The following SPA17 variants were observed in gnomAD, a reference collection of about 807,000 sequenced individuals.
SPA17 encodes sperm autoantigenic protein 17, also known as sperm surface protein Sp17.
In SPA17, 7 loss-of-function variants were observed where a neutral mutation model predicts 13.8. The observed-to-expected ratio is 0.51, with a 90% confidence interval of 0.29 to 0.95. The LOEUF is 0.95. Among genes scored for constraint, SPA17 ranks in the 40% least tolerant of loss-of-function variants. SPA17 has a pLI of 0.08. For missense variants in SPA17, 170 were observed against 179.3 expected (o/e 0.95, Z 0.30); for synonymous variants, 61 against 59.0 (o/e 1.03, Z -0.16).
At chr11:124,674,571 T>G (rs1943433633) in intron 1 of SPA17, 1 of 152,156 alleles carries the variant, frequency 6.6e-6, no homozygotes, top group African/African-American at 2.4e-5. Flanking sequence ...GCCCTTGTAT[T>G]TCAAGACAGA....
At chr11:124,686,013 G>A (rs12807021) in intron 3 of SPA17, among the ~76,000 whole-genome samples, 14,123 of 152,176 alleles carry the variant, frequency 0.093, 862 homozygotes, top group African/African-American at 0.17. Flanking sequence ...AAGACTTTGG[G>A]AGACTGTTGG....
intron 2 of SPA17, among the ~76,000 whole-genome samples, chr11:124,676,793 T>C (rs1943468945): frequency 6.6e-6 from 1 of 152,234 alleles, no homozygotes; most frequent in Non-Finnish European, 1.5e-5. Flanking sequence ...TCAGGCATTA[T>C]GCTGATTACC....
chr11:124,679,427 A>C (rs1943504618), intron 2 of SPA17, among the ~76,000 whole-genome samples: 2 of 152,184 alleles, frequency 1.3e-5, no homozygotes, highest in South Asian at 4.1e-4. Flanking sequence ...TAAGCAACTA[A>C]GCTAGTGTTA....
chr11:124,685,079 C>T (rs1943565412), intron 3 of SPA17, among the ~76,000 whole-genome samples: 1 of 152,234 alleles, frequency 6.6e-6, no homozygotes, highest in Non-Finnish European at 1.5e-5. Context: ...ATGTTAATCA[C>T]CAAGACAATG....
At chr11:124,683,034 A>AT (rs747658485) in intron 3 of SPA17, among the ~76,000 whole-genome samples, 14 of 152,234 alleles carry the variant, frequency 9.2e-5, no homozygotes, top group Non-Finnish European at 1.9e-4. Context: ...TAATAACCGT[A>AT]CTTCTCAGCA....
chr11:124,679,086 G>A (rs1280372132), intron 2 of SPA17, among the ~76,000 whole-genome samples: 7 of 150,628 alleles, frequency 4.6e-5, no homozygotes, highest in East Asian at 2.0e-4. Context: ...GCAGTGAGCC[G>A]AGATCGCACC....
At chr11:124,692,850 G>A (rs1014907182) in intron 4 of SPA17, among the ~76,000 whole-genome samples, 27 of 152,144 alleles carry the variant, frequency 1.8e-4, no homozygotes, top group Non-Finnish European at 3.5e-4. Context: ...AAACTTCTGA[G>A]TTCCTTTTTA....
intron 3 of SPA17, among the ~76,000 whole-genome samples, chr11:124,686,215 G>T (rs1198334227): frequency 2.0e-5 from 3 of 151,420 alleles, no homozygotes; most frequent in Admixed American, 2.0e-4. Flanking sequence ...TTTATAAGGG[G>T]CTTTTCCCTC....
In SPA17 at chr11:124,697,009, C is replaced by G. The variant is rs1321322566; in HGVS notation, c.*2563C>G. On this transcript the variant is annotated 3_prime_UTR_variant, in exon 5 of 5. Transcript: ENST00000227135. ...AAAAACCTTGGATTCATCTTTAATGCGTCACTTTCTTTCACACCCCATATA... is the reference window on the plus strand; with the variant it reads ...AAAAACCTTGGATTCATCTTTAATGGGTCACTTTCTTTCACACCCCATATA... 6.6e-6 allele frequency: 1 copy of G among 152,160 alleles called. No homozygotes were observed. Among genetic ancestry groups the G allele is most frequent in the Non-Finnish European group, 1.5e-5 (1 of 68,034 alleles). The allele number at this position is 152,160 out of a possible 1,614,324, so 9.4% of individuals were successfully genotyped here.
At chr11:124,680,566 A>ATT (rs1475331175) in intron 2 of SPA17, among the ~76,000 whole-genome samples, 2 of 152,226 alleles carry the variant, frequency 1.3e-5, no homozygotes, top group African/African-American at 4.8e-5. Context: ...GAACCAACAA[A>ATT]TAAATAGACA....
intron 1 of SPA17, 91 bp downstream of exon 1, chr11:124,674,043 C>G: frequency 3.2e-6 from 1 of 314,152 alleles, no homozygotes; most frequent in Non-Finnish European, 6.0e-6. Flanking sequence ...GACACAGCCT[C>G]GGAGCCCTGG....
intron 3 of SPA17, among the ~76,000 whole-genome samples, chr11:124,685,159 A>G (rs1943566218): frequency 6.6e-6 from 1 of 152,244 alleles, no homozygotes; most frequent in Admixed American, 6.5e-5. Flanking sequence ...GAGGCATAGG[A>G]GGGAAAAATG....
At chr11:124,689,055 A>G (rs945655087) in intron 3 of SPA17, among the ~76,000 whole-genome samples, 3 of 152,238 alleles carry the variant, frequency 2.0e-5, no homozygotes, top group African/African-American at 4.8e-5. Context: ...AAGACCATAT[A>G]TTGTGGAAAG....
chr11:124,690,681 C>T (rs1173084484), intron 3 of SPA17, among the ~76,000 whole-genome samples: 1 of 152,138 alleles, frequency 6.6e-6, no homozygotes, highest in African/African-American at 2.4e-5. Flanking sequence ...TCAGAAGTTA[C>T]ATTTTTAAGA....
intron 2 of SPA17, 74 bp from the exon 3 acceptor site, chr11:124,681,315 C>T (rs1313595392): frequency 8.2e-6 from 10 of 1,218,646 alleles, no homozygotes; most frequent in East Asian, 8.1e-5. Flanking sequence ...AAGAAACTTA[C>T]ATTTGTGTCA....
At chr11:124,687,671 C>T (rs1329346239) in intron 3 of SPA17, among the ~76,000 whole-genome samples, 1 of 152,086 alleles carries the variant, frequency 6.6e-6, no homozygotes, top group African/African-American at 2.4e-5. Context: ...AAATGTGATA[C>T]ATCACATCAA....
At chr11:124,676,634 A>G (rs1943467200) in intron 2 of SPA17, among the ~76,000 whole-genome samples, 1 of 152,224 alleles carries the variant, frequency 6.6e-6, no homozygotes, top group Admixed American at 6.5e-5. Flanking sequence ...TCTGTTGCAC[A>G]ATCTGAAACT....
chr11:124,693,760 T>G (rs1943646101), intron 4 of SPA17, among the ~76,000 whole-genome samples: 2 of 152,156 alleles, frequency 1.3e-5, no homozygotes, highest in Non-Finnish European at 2.9e-5. Context: ...TATACCCAAT[T>G]TTTTTAAAAG....
intron 3 of SPA17, among the ~76,000 whole-genome samples, chr11:124,681,738 G>A (rs1432855311): frequency 6.6e-6 from 1 of 152,034 alleles, no homozygotes; most frequent in East Asian, 1.9e-4. Flanking sequence ...TCTGAGTCAT[G>A]TACAGATATT....
Sources: allele counts gnomAD v4.1 joint callset (sites outside exome capture counted in the v4.1 genomes callset), GRCh38; gene constraint gnomAD v4.1.1; transcripts MANE v1.5; gene names NCBI Gene and HGNC (gene_info 2026-07-23, HGNC 2026-07-21).